RYR2: variants seen among roughly 807,000 people sequenced by gnomAD.
RYR2 encodes the protein cardiac muscle ryanodine receptor-calcium release channel.
RYR2 carries 227 observed loss-of-function variants against 601.1 expected under a neutral mutation model. The ratio of observed to expected loss-of-function variants is 0.38; its 90% confidence interval spans 0.34 to 0.42. The LOEUF is 0.42. RYR2 is among the 10% of genes least tolerant of loss of function. The pLI is 1.00. For synonymous variants in RYR2, 2,223 were observed against 2,175.1 expected (o/e 1.02, Z -0.61); for missense variants, 4,646 against 6,156.5 (o/e 0.75, Z 8.21).
chr1:237,662,463 C>T lies in RYR2; in HGVS notation c.8436+1516C>T, dbSNP rs1336305711. On this transcript the variant is annotated intron_variant, in intron 56 of 104. Transcript: ENST00000366574. Reference sequence around the variant, plus strand: ...GGTGGGACTAGTGGTATGAATAAGGCACTACACAGTATAGAGAAAGGGATG... The same window carrying T: ...GGTGGGACTAGTGGTATGAATAAGGTACTACACAGTATAGAGAAAGGGATG... Among the ~76,000 whole-genome samples, 5 of 146,634 alleles carry T rather than the reference C, an allele frequency of 3.4e-5. No homozygotes were observed. In the South Asian group the frequency reaches 1.1e-3, roughly 32 times the overall value.
rs1288441832 is a variant in RYR2, at chr1:237,106,894, G to GA, written c.48+64325_48+64326insA. Among the ~76,000 whole-genome samples, 1 of 152,140 alleles carries GA rather than the reference G, an allele frequency of 6.6e-6. No individual in the cohort carries two copies. Among genetic ancestry groups the GA allele is most frequent in the African/African-American group, 2.4e-5 (1 of 41,432 alleles). On this transcript the variant is annotated intron_variant, in intron 1 of 104. Transcript: ENST00000366574. The surrounding 1 kb of genome is among the most constrained non-coding windows in gnomAD (Gnocchi z 4.4). Reference sequence around the variant, plus strand: ...AGAAGGGACAAAGGAGCTCTCTGAAGTCCCTTTGTAAAGGGCAGTAATCAC... The same window carrying GA: ...AGAAGGGACAAAGGAGCTCTCTGAAGATCCCTTTGTAAAGGGCAGTAATCAC...
intron 97 of RYR2, 40 bp from the exon 98 acceptor site, chr1:237,801,816 A>G: frequency 1.5e-6 from 2 of 1,322,528 alleles, no homozygotes; most frequent in Non-Finnish European, 2.1e-6. Flanking sequence ...GTCTTTGGTT[A>G]ATGTGCATAA....
At chr1:237,387,939 C>G in intron 9 of RYR2, 148 bp from the exon 10 acceptor site, 1 of 506,860 alleles carries the variant, frequency 2.0e-6, no homozygotes, top group East Asian at 3.5e-5. Flanking sequence ...ACAGCAGGCA[C>G]TGTCTATCTC....
At chr1:237,230,475 A>G (rs977653056) in intron 1 of RYR2, among the ~76,000 whole-genome samples, 2 of 152,250 alleles carry the variant, frequency 1.3e-5, no homozygotes, top group African/African-American at 4.8e-5. Context: ...GATAATTGTA[A>G]GGAATTGACA....
intron 66 of RYR2, among the ~76,000 whole-genome samples, chr1:237,704,890 A>G (rs984398216): frequency 6.6e-6 from 1 of 152,164 alleles, no homozygotes; most frequent in Non-Finnish European, 1.5e-5. Flanking sequence ...TGCCAACACA[A>G]ATTATCAGAA....
chr1:237,635,538 A>T (rs889874347), intron 44 of RYR2, among the ~76,000 whole-genome samples: 6 of 152,212 alleles, frequency 3.9e-5, no homozygotes, highest in African/African-American at 1.4e-4. Flanking sequence ...CATGTGTATT[A>T]CCAGCATTTA....
chr1:237,420,374 A>G (rs2150044797), intron 11 of RYR2, among the ~76,000 whole-genome samples: 1 of 152,352 alleles, frequency 6.6e-6, no homozygotes, highest in South Asian at 2.1e-4. Context: ...AGTACTCACT[A>G]TTCCCCAATT....
rs180827933 is a variant in RYR2, at chr1:237,145,066, C to T, written c.48+102497C>T. 1.8e-4 allele frequency among the ~76,000 whole-genome samples: 22 copies of T among 121,616 alleles called. No homozygotes were observed. In the South Asian group the frequency reaches 3.0e-3, roughly 17 times the overall value. The allele number at this position is 121,616 out of a possible 152,430, so 79.8% of individuals were successfully genotyped here. On this transcript the variant is annotated intron_variant, in intron 1 of 104. Coordinates refer to ENST00000366574, the MANE Select transcript of RYR2 (RefSeq NM_001035.3). The stretch of plus-strand genomic sequence containing the variant: ...GGGAACATCATACACTGGGGCCTGT[C>T]GGGGGGTTGGGGGAGCTAGGGGAGG...
chr1:237,589,470 G>C (rs572432996), intron 29 of RYR2, among the ~76,000 whole-genome samples: 2 of 152,264 alleles, frequency 1.3e-5, no homozygotes, highest in African/African-American at 4.8e-5. Context: ...TGAGCAAGGA[G>C]ACTGCAGGGC....
chr1:237,423,077 A>G lies in RYR2; in HGVS notation c.849-15A>G, dbSNP rs1304909483. 6.2e-7 allele frequency: 1 copy of G among 1,609,208 alleles called. No individual in the cohort carries two copies. The highest frequency in any genetic ancestry group is 2.2e-5 in the East Asian group (1 of 44,850). On this transcript the variant is annotated splice_polypyrimidine_tract_variant and intron_variant, in intron 11 of 104. Transcript: ENST00000366574. The stretch of plus-strand genomic sequence containing the variant: ...TGTGGGTGCTATTGGATCAAGTCCT[A>G]ACTGTTTTCATTAGGTGGAGTGGAA...
intron 9 of RYR2, among the ~76,000 whole-genome samples, chr1:237,387,791 G>A (rs1281538174): frequency 6.6e-6 from 1 of 152,110 alleles, no homozygotes; most frequent in African/African-American, 2.4e-5. Context: ...ATATGTTCTG[G>A]TTATTCCAAC....
chr1:237,336,874 T>A (rs1421213), intron 3 of RYR2, among the ~76,000 whole-genome samples: 5,789 of 149,798 alleles, frequency 0.039, 192 homozygotes, highest in African/African-American at 0.08. Context: ...ATAAATAAAT[T>A]AATTAATTAA....
intron 1 of RYR2, among the ~76,000 whole-genome samples, chr1:237,213,270 T>G (rs1449236892): frequency 1.3e-5 from 2 of 151,886 alleles, no homozygotes; most frequent in East Asian, 3.9e-4. Flanking sequence ...ATCAACCTCC[T>G]GGGCTCAAGT....
At chr1:237,393,784 A>G (rs573528224) in intron 10 of RYR2, among the ~76,000 whole-genome samples, 1 of 151,902 alleles carries the variant, frequency 6.6e-6, no homozygotes, top group East Asian at 1.9e-4. Flanking sequence ...CCAAACTTAA[A>G]CTCCTTGCTG....
chr1:237,737,181 G>C (rs750704697), intron 79 of RYR2, among the ~76,000 whole-genome samples: 1 of 152,146 alleles, frequency 6.6e-6, no homozygotes, highest in Non-Finnish European at 1.5e-5. Context: ...GATTTTGTTG[G>C]ATCCTAAAGC....
intron 1 of RYR2, among the ~76,000 whole-genome samples, chr1:237,054,799 A>T (rs952665455): frequency 6.6e-6 from 1 of 152,172 alleles, no homozygotes. Flanking sequence ...AGTAAAAGTG[A>T]GTGGGATCTT....
chr1:237,572,168 T>C (rs1284821900), intron 29 of RYR2, among the ~76,000 whole-genome samples: 2 of 152,200 alleles, frequency 1.3e-5, no homozygotes, highest in African/African-American at 4.8e-5. Flanking sequence ...TTTAGGGATG[T>C]CAAAGTATTA....
At chr1:237,474,830 T>C (rs369803121) in intron 17 of RYR2, among the ~76,000 whole-genome samples, 4 of 152,264 alleles carry the variant, frequency 2.6e-5, no homozygotes, top group South Asian at 4.1e-4. Context: ...AAAGGAGAAA[T>C]GGCAGGAGCC....
chr1:237,798,296 G>C, intron 97 of RYR2, 126 bp downstream of exon 97: 2 of 842,426 alleles, frequency 2.4e-6, no homozygotes, highest in Non-Finnish European at 1.8e-6. Flanking sequence ...GAGGAAAACA[G>C]AAAGTATATA....
Sources: allele counts gnomAD v4.1 joint callset (sites outside exome capture counted in the v4.1 genomes callset), GRCh38; gene constraint gnomAD v4.1.1; non-coding constraint Gnocchi (gnomAD v3.1); transcripts MANE v1.5; gene names NCBI Gene and HGNC (gene_info 2026-07-23, HGNC 2026-07-21).